Variants in LMAN2 observed in about 807,000 individuals in gnomAD.
LMAN2 encodes the protein lectin, mannose binding 2.
In LMAN2, 22 loss-of-function variants were observed where a neutral mutation model predicts 39.3. The observed-to-expected ratio is 0.56, with a 90% CI of 0.40 to 0.80. The LOEUF is 0.80. LMAN2 is among the 30% of genes least tolerant of loss of function. The pLI is 0.00. For missense variants in LMAN2, 494 were observed against 505.4 expected (o/e 0.98, Z 0.22); for synonymous variants, 207 against 207.8 (o/e 1.00, Z 0.03).
chr5:177,351,115 G>T, intron 2 of LMAN2, 58 bp downstream of exon 2: 1 of 1,480,806 alleles, frequency 6.8e-7, no homozygotes, highest in Non-Finnish European at 9.4e-7. Flanking sequence ...CAGCTGCTCG[G>T]GAGGCAGGGA....
rs376846621 is a variant in LMAN2 at position 177,337,279 on chromosome 5, G to T, written c.676-29C>A. 2 of 1,612,782 alleles carry T rather than the reference G, an allele frequency of 1.2e-6. No homozygotes were observed. The highest frequency in any genetic ancestry group is 1.7e-6 in the Non-Finnish European group (2 of 1,179,452). On this transcript the variant is annotated intron_variant, in intron 5 of 7. Transcript: ENST00000303127. This position sits in a 1 kb window ranked among gnomAD's most constrained non-coding sequence, Gnocchi z 8.2. ...CAGGGCCCAGCACGCTAAGCACCTC[G>T]CAGGACAGCAGCCTGCCCTCCTGAG...
chr5:177,349,511 T>C (rs544854075), intron 2 of LMAN2, among the ~76,000 whole-genome samples: 2 of 152,246 alleles, frequency 1.3e-5, no homozygotes, highest in African/African-American at 4.8e-5. Context: ...GGCAAAACAA[T>C]TGTACTCCAG....
At position 177,349,212 on chromosome 5, in the gene LMAN2, A is replaced by AC. The variant is rs539342577; in HGVS notation, c.315+1960dup. Among the ~76,000 whole-genome samples the AC allele has an allele frequency of 3.3e-3, 495 of 151,290 alleles. 3 individuals carry two copies. Among genetic ancestry groups the AC allele is most frequent in the African/African-American group, 9.2e-3 (378 of 41,176 alleles). On this transcript the variant is annotated intron_variant, in intron 2 of 7. Transcript: ENST00000303127. ...TCTGAGCCACTCCTTCATCTAGACCACCCCCCCTGCACCACAGCAGGAGCT... is the reference window on the plus strand; with the variant it reads ...TCTGAGCCACTCCTTCATCTAGACCACCCCCCCCTGCACCACAGCAGGAGCT...
rs767785439 is a variant in LMAN2, at chr5:177,337,099, C to G, written c.790+37G>C. On this transcript the variant is annotated intron_variant, in intron 6 of 7. Coordinates refer to ENST00000303127, the MANE Select transcript of LMAN2 (RefSeq NM_006816.3). The surrounding 1 kb of genome is among the most constrained non-coding windows in gnomAD (Gnocchi z 8.2). ...AAAGCTCCCAGTCCCTCAGGGTGAG[C>G]TGGGCTGGGAACCAACGCCTGGCCC... is the stretch of plus-strand genomic sequence containing the variant. 2 of 1,502,132 alleles carry G rather than the reference C, an allele frequency of 1.3e-6. No individual in the cohort carries two copies. Among genetic ancestry groups the G allele is most frequent in the African/African-American group, 2.7e-5 (2 of 72,884 alleles). 93.1% of individuals were successfully genotyped at this position (1,502,132 alleles called of 1,614,324 possible). A position where few individuals can be genotyped will look rare whatever the true frequency, so the allele number is the denominator to read the frequency against.
rs749263533 is a variant in LMAN2 at position 177,337,344 on chromosome 5, C to T, written c.675+19G>A. The T allele has an allele frequency of 6.8e-6, 11 of 1,610,272 alleles. No homozygotes were observed. The South Asian group carries it at 1.1e-4, about 16-fold the overall frequency. ...GCACAGGGCCACCAGCTGCCACCCC[C>T]ACCGCCTAGCCTGCTCACCGTCAGA... On this transcript the variant is annotated intron_variant, in intron 5 of 7. Coordinates refer to ENST00000303127, the MANE Select transcript of LMAN2 (RefSeq NM_006816.3). This position sits in a 1 kb window ranked among gnomAD's most constrained non-coding sequence, Gnocchi z 8.2.
At position 177,331,970 on chromosome 5, in the gene LMAN2, A is replaced by G; in HGVS notation, c.*116T>C. The G allele has an allele frequency of 2.6e-6, 3 of 1,172,420 alleles. No individual in the cohort carries two copies. Among genetic ancestry groups the G allele is most frequent in the Non-Finnish European group, 3.5e-6 (3 of 853,522 alleles). 72.6% of individuals were successfully genotyped at this position (1,172,420 alleles called of 1,614,324 possible). On this transcript the variant is annotated 3_prime_UTR_variant, in exon 8 of 8. Coordinates refer to ENST00000303127, the MANE Select transcript of LMAN2 (RefSeq NM_006816.3). ...CAAAATGTATGAAAATACTTTAATCATTTATTTGAAACAGTTAAGAAATAA... is the reference window on the plus strand; with the variant it reads ...CAAAATGTATGAAAATACTTTAATCGTTTATTTGAAACAGTTAAGAAATAA...
In LMAN2 at chr5:177,337,273, C is replaced by G; in HGVS notation, c.676-23G>C. 1.2e-6 allele frequency: 2 copies of G among 1,613,368 alleles called. No individual in the cohort carries two copies. The highest frequency in any genetic ancestry group is 8.5e-7 in the Non-Finnish European group (1 of 1,179,702). ...CACCTGCAGGGCCCAGCACGCTAAG[C>G]ACCTCGCAGGACAGCAGCCTGCCCT... On this transcript the variant is annotated intron_variant, in intron 5 of 7. Transcript: ENST00000303127. This position sits in a 1 kb window ranked among gnomAD's most constrained non-coding sequence, Gnocchi z 8.2.
intron 2 of LMAN2, among the ~76,000 whole-genome samples, chr5:177,342,092 A>C (rs1761563492): frequency 1.3e-5 from 2 of 152,348 alleles, no homozygotes; most frequent in East Asian, 1.9e-4. Flanking sequence ...ATATTTCATT[A>C]AATGTAAATG....
chr5:177,340,736 T>C (rs1344489870), intron 2 of LMAN2, among the ~76,000 whole-genome samples: 10 of 151,082 alleles, frequency 6.6e-5, no homozygotes, highest in Admixed American at 4.6e-4. Context: ...TGCCACTGCA[T>C]TCCAGCCTGG....
chr5:177,344,281 C>CTTTTTT (rs59101629), intron 2 of LMAN2, among the ~76,000 whole-genome samples: 2 of 82,286 alleles, frequency 2.4e-5, no homozygotes, highest in Non-Finnish European at 4.6e-5. Flanking sequence ...CGCTTTGTTA[C>CTTTTTT]TTTTTTTTTT....
chr5:177,332,154 C>T lies in LMAN2; in HGVS notation c.1003G>A (p.Val335Ile), dbSNP rs564382651. The T allele has an allele frequency of 1.3e-5, 21 of 1,613,736 alleles. No individual in the cohort carries two copies. In the East Asian group the frequency reaches 1.3e-4, roughly 10 times the overall value. ...LLLLCALLGI[V>I]VCAVVGAVVF... ...ACGGCCCCCACCACGGCGCAGACAA[C>T]GATGCCCAGGAGAGCGCACAGCAGC... Residue 335 changes from valine (V) to isoleucine (I), a missense_variant, in exon 8 of 8, where the codon GTT (valine) becomes ATT (isoleucine). Physicochemically the swap from Val to Ile is conservative, Grantham distance 29. Transcript: ENST00000303127. The surrounding 1 kb of genome is among the most constrained non-coding windows in gnomAD (Gnocchi z 6.3).
At chr5:177,348,389 A>T (rs1053283806) in intron 2 of LMAN2, among the ~76,000 whole-genome samples, 2 of 152,178 alleles carry the variant, frequency 1.3e-5, no homozygotes, top group Admixed American at 6.5e-5. Context: ...AAGTTCAATT[A>T]AAAAACTGAC....
At chr5:177,344,274 T>G (rs1761602549) in intron 2 of LMAN2, among the ~76,000 whole-genome samples, 2 of 141,142 alleles carry the variant, frequency 1.4e-5, no homozygotes, top group Non-Finnish European at 3.0e-5. Flanking sequence ...AATGGTACGC[T>G]TTGTTACTTT....
intron 2 of LMAN2, among the ~76,000 whole-genome samples, chr5:177,344,571 CGCCCA>C (rs1445755180): frequency 4.0e-5 from 6 of 151,576 alleles, no homozygotes; most frequent in Non-Finnish European, 8.8e-5. Context: ...TGAGCCACCG[CGCCCA>C]GCCTGTGTTA....
rs1761497102 is a variant in LMAN2, at chr5:177,337,776, AAC to A, written c.441_442del (p.Phe148TrpfsTer5). 12 of 1,613,716 alleles carry A rather than the reference AAC, an allele frequency of 7.4e-6. No individual in the cohort carries two copies. Among genetic ancestry groups the A allele is most frequent in the Non-Finnish European group, 9.3e-6 (11 of 1,179,920 alleles). ...GCCGTGGAAGTTATCTTTGCTTCCAAACACAGGCCCTAGAATTATAAGCAGAT... is the reference window on the plus strand; with the variant it reads ...GCCGTGGAAGTTATCTTTGCTTCCAAACAGGCCCTAGAATTATAAGCAGAT... On this transcript the variant is annotated frameshift_variant, in exon 4 of 8. Transcript: ENST00000303127. LOFTEE classifies it high-confidence loss of function. The surrounding 1 kb of genome is among the most constrained non-coding windows in gnomAD (Gnocchi z 8.2).
In LMAN2 at chr5:177,337,521, C is replaced by T. The variant is rs773414017; in HGVS notation, c.517G>A (p.Val173Met). Residue 173 changes from valine to methionine, a missense_variant, in exon 5 of 8, where the codon GTG (valine) becomes ATG (methionine). Transcript: ENST00000303127. The surrounding 1 kb of genome is among the most constrained non-coding windows in gnomAD (Gnocchi z 8.2). ...ACCATCACCGAGATGTACGGGAACA[C>T]GCGCTGGGACCAAGACATCGGTTAC... is the stretch of plus-strand genomic sequence containing the variant. ...TYPNDETTER[V>M]FPYISVMVNN... 1.7e-5 allele frequency: 27 copies of T among 1,613,658 alleles called. No homozygotes were observed. Among genetic ancestry groups the T allele is most frequent in the East Asian group, 1.3e-4 (6 of 44,886 alleles).
intron 2 of LMAN2, among the ~76,000 whole-genome samples, chr5:177,350,794 C>T (rs1761710551): frequency 6.6e-6 from 1 of 152,186 alleles, no homozygotes; most frequent in African/African-American, 2.4e-5. Flanking sequence ...CAATAAAGAT[C>T]CAGTTCGCTC....
chr5:177,334,568 C>T, intron 6 of LMAN2, 165 bp from the exon 7 acceptor site: 1 of 790,496 alleles, frequency 1.3e-6, no homozygotes, highest in South Asian at 2.0e-5. Flanking sequence ...CCAGCTCCCT[C>T]CAGTCACCAG....
At chr5:177,340,258 T>G (rs967181641) in intron 2 of LMAN2, among the ~76,000 whole-genome samples, 2 of 152,188 alleles carry the variant, frequency 1.3e-5, no homozygotes, top group Non-Finnish European at 2.9e-5. Context: ...ACTATTTTTT[T>G]CTAATTTTTT....
Sources: gnomAD v4.1 joint callset for allele counts (sites outside exome capture counted in the v4.1 genomes callset) on GRCh38, gnomAD v4.1.1 for gene constraint, Gnocchi (gnomAD v3.1) non-coding constraint, MANE v1.5 for transcripts, NCBI Gene and HGNC (gene_info 2026-07-23, HGNC 2026-07-21) for gene names.